PTPRN: variants seen among roughly 807,000 people sequenced by gnomAD.
PTPRN encodes the protein protein tyrosine phosphatase receptor type N.
In PTPRN, 70 loss-of-function variants were observed where a neutral mutation model predicts 108.5. The ratio of observed to expected loss-of-function variants is 0.65; its 90% CI spans 0.53 to 0.79. The LOEUF is 0.79. Ranked by LOEUF, PTPRN falls within the 30% of genes least tolerant of loss-of-function variation. The pLI is 0.00. For missense variants in PTPRN, 1,136 were observed against 1,295.5 expected (o/e 0.88, Z 1.89); for synonymous variants, 496 against 524.6 (o/e 0.95, Z 0.75).
intron 20 of PTPRN, among the ~76,000 whole-genome samples, chr2:219,291,222 G>C (rs1381182012): frequency 6.6e-6 from 1 of 152,170 alleles, no homozygotes; most frequent in Non-Finnish European, 1.5e-5. Context: ...TTTGTGTATA[G>C]GGGGCCAATG....
rs1187840324 is a variant in PTPRN at position 219,307,524 on chromosome 2, C to A, written c.200G>T (p.Gly67Val). ...GLFGQCQVGV[G>V]QARPLLQVTS... ...GACTTGCAAAAGGGGCCGGGCCTGC[C>A]CCACTCCCACCTGGCACTGCCCAAA... Residue 67 changes from glycine (G) to valine (V), a missense_variant, in exon 3 of 23, where the codon GGG (glycine) becomes GTG (valine). Gly to Val is a moderately radical substitution (Grantham distance 109, BLOSUM62 -3). Transcript: ENST00000295718. 1 of 1,614,126 alleles carries A rather than the reference C, an allele frequency of 6.2e-7. No individual in the cohort carries two copies. The highest frequency in any genetic ancestry group is 1.1e-5 in the South Asian group (1 of 91,076).
Position 219,290,689 on chromosome 2 carries a change from G to A in PTPRN, c.2795-78C>T. 1.3e-6 allele frequency: 2 copies of A among 1,482,406 alleles called. No homozygotes were observed. The highest frequency in any genetic ancestry group is 1.9e-6 in the Non-Finnish European group (2 of 1,078,716). 91.8% of individuals were successfully genotyped at this position (1,482,406 alleles called of 1,614,324 possible). On this transcript the variant is annotated intron_variant, in intron 21 of 22. Transcript: ENST00000295718. The surrounding 1 kb of genome is among the most constrained non-coding windows in gnomAD (Gnocchi z 4.2). ...GGACCCAGAAAACCTGAGGCCTCCT[G>A]GAGGCAAAGAGCCTTGGAGGGCTGG...
Position 219,290,601 on chromosome 2 carries a change from C to T in PTPRN, c.2805G>A (p.Glu935=), listed in dbSNP as rs1400295730. ...VLNRMAKGVK[E]IDIAATLEHV... ...GCTCCAGGGTGGCAGCGATGTCAAT[C>T]TCCTTCACTCCTGGAGATGGAGGTG... The change falls in exon 22 of 23, where the codon GAG becomes GAA. Residue 935 remains glutamate (E), a synonymous_variant. Transcript: ENST00000295718. The surrounding 1 kb of genome is among the most constrained non-coding windows in gnomAD (Gnocchi z 4.2). 1 of 1,551,822 alleles carries T rather than the reference C, an allele frequency of 6.4e-7. No individual in the cohort carries two copies. Among genetic ancestry groups the T allele is most frequent in the Non-Finnish European group, 8.7e-7 (1 of 1,147,026 alleles).
chr2:219,300,404 A>G (rs536515595), intron 8 of PTPRN, 145 bp from the exon 9 acceptor site: 375 of 757,270 alleles, frequency 5.0e-4, no homozygotes, highest in Middle Eastern at 7.9e-4. Flanking sequence ...TACAGAGAGG[A>G]CACCAGAGCA....
chr2:219,294,326 G>GA, intron 19 of PTPRN: 1 of 376,810 alleles, frequency 2.7e-6, no homozygotes, highest in Admixed American at 2.9e-5. Flanking sequence ...AGGAGGTGGA[G>GA]AAAAACAGGG....
At position 219,302,612 on chromosome 2, in the gene PTPRN, G is replaced by A. The variant is rs772012004; in HGVS notation, c.603C>T (p.Tyr201=). The A allele has an allele frequency of 1.5e-5, 25 of 1,613,892 alleles. No homozygotes were observed. Among genetic ancestry groups the A allele is most frequent in the East Asian group, 8.9e-5 (4 of 44,888 alleles). The change falls in exon 5 of 23, where the codon TAC becomes TAT. Residue 201 remains tyrosine, a synonymous_variant. Transcript: ENST00000295718. Reference sequence around the variant, plus strand: ...GGTAGGGCTGCAGCAAGGCAGGTTCGTAACTCAGTGAAGGGTGGGGAGGCT... The same window carrying A: ...GGTAGGGCTGCAGCAAGGCAGGTTCATAACTCAGTGAAGGGTGGGGAGGCT... ...PPQPPHPSLS[Y]EPALLQPYLF...
Position 219,299,386 on chromosome 2 carries a change from T to C in PTPRN, c.1524-2A>G, listed in dbSNP as rs1458564124. ...AAGGTGAGGGCTGGTCCCACCACACTGCCAGATAGGAGCTATGTTACTGCC... is the reference window on the plus strand; with the variant it reads ...AAGGTGAGGGCTGGTCCCACCACACCGCCAGATAGGAGCTATGTTACTGCC... On this transcript the variant is annotated splice_acceptor_variant, in intron 10 of 22. Coordinates refer to ENST00000295718, the MANE Select transcript of PTPRN (RefSeq NM_002846.4). LOFTEE classifies it high-confidence loss of function. The C allele has an allele frequency of 6.2e-7, 1 of 1,614,084 alleles. No homozygotes were observed.
chr2:219,308,993 G>A (rs1219199031), intron 1 of PTPRN: 2 of 1,521,514 alleles, frequency 1.3e-6, no homozygotes, highest in Non-Finnish European at 1.8e-6. Context: ...ATTTTCCCCA[G>A]AGCCCAATTC....
At chr2:219,292,543 C>T (rs1369168809) in intron 19 of PTPRN, 1 of 152,186 alleles carries the variant, frequency 6.6e-6, no homozygotes, top group Non-Finnish European at 1.5e-5. Flanking sequence ...AGCTCATTGG[C>T]TGTTACGTCA....
intron 8 of PTPRN, chr2:219,300,546 C>CA (rs1952320600): frequency 4.3e-6 from 2 of 467,076 alleles, no homozygotes; most frequent in Non-Finnish European, 7.5e-6. Context: ...GGGTAAAAGA[C>CA]AAACAGGCAG....
intron 3 of PTPRN, among the ~76,000 whole-genome samples, chr2:219,306,235 G>A (rs183473076): frequency 2.6e-4 from 40 of 152,216 alleles, no homozygotes; most frequent in East Asian, 1.7e-3. Context: ...AATATTTCAC[G>A]AAATAATGCT....
intron 12 of PTPRN, 82 bp from the exon 13 acceptor site, chr2:219,298,185 AC>A (rs1952250941): frequency 7.3e-7 from 1 of 1,367,626 alleles, no homozygotes; most frequent in South Asian, 1.2e-5. Flanking sequence ...CCCATGCCAC[AC>A]CCCCTGTTAG....
rs1343915286 is a variant in PTPRN at position 219,301,753 on chromosome 2, T to C, written c.995-34A>G. 4 of 1,586,568 alleles carry C rather than the reference T, an allele frequency of 2.5e-6. No homozygotes were observed. In the South Asian group the frequency reaches 3.3e-5, roughly 13 times the overall value. The stretch of plus-strand genomic sequence containing the variant: ...AGCCAGACACAGAGCTTAGGGCTGA[T>C]TGCGCAGTGAACTTGAGGGATGCAG... On this transcript the variant is annotated intron_variant, in intron 6 of 22. Transcript: ENST00000295718.
In PTPRN at chr2:219,296,403, A is replaced by G. The variant is rs1273498546; in HGVS notation, c.2388+36T>C. On this transcript the variant is annotated intron_variant, in intron 17 of 22. Coordinates refer to ENST00000295718, the MANE Select transcript of PTPRN (RefSeq NM_002846.4). The surrounding 1 kb of genome is among the most constrained non-coding windows in gnomAD (Gnocchi z 6.0). ...AACCTCCCTGGGACCTCGTGGCCAC[A>G]AGGACCCCAGCGAAGCCCTCCCTTT... The G allele has an allele frequency of 1.2e-6, 2 of 1,614,074 alleles. No homozygotes were observed. Among genetic ancestry groups the G allele is most frequent in the South Asian group, 1.1e-5 (1 of 91,078 alleles).
In PTPRN at chr2:219,290,739, G is replaced by A. The variant is rs1472351755; in HGVS notation, c.2794+87C>T. ...GGCAGAGCCTGGAGGTTGACAACCT[G>A]CTCCTTCTGAGCTCCCAGGACCCTG... is the stretch of plus-strand genomic sequence containing the variant. On this transcript the variant is annotated intron_variant, in intron 21 of 22. Coordinates refer to ENST00000295718, the MANE Select transcript of PTPRN (RefSeq NM_002846.4). This position sits in a 1 kb window ranked among gnomAD's most constrained non-coding sequence, Gnocchi z 4.2. The A allele has an allele frequency of 5.3e-6, 8 of 1,518,084 alleles. No homozygotes were observed. Among genetic ancestry groups the A allele is most frequent in the Non-Finnish European group, 6.4e-6 (7 of 1,094,918 alleles). 94.0% of individuals were successfully genotyped at this position (1,518,084 alleles called of 1,614,324 possible).
Position 219,299,100 on chromosome 2 carries a change from A to G in PTPRN, c.1615T>C (p.Ser539Pro). ...AGCCCTGTCTGTGCTTCCAGTTCAGACTTCACCAGCCCTGCAGGGAGGACA... is the reference window on the plus strand; with the variant it reads ...AGCCCTGTCTGTGCTTCCAGTTCAGGCTTCACCAGCCCTGCAGGGAGGACA... ...DVTQQAGLVK[S>P]ELEAQTGLQI... The change falls in exon 12 of 23, where the codon TCT becomes CCT. Residue 539 changes from serine (S) to proline (P), a missense_variant. Coordinates refer to ENST00000295718, the MANE Select transcript of PTPRN (RefSeq NM_002846.4). 2 of 1,614,146 alleles carry G rather than the reference A, an allele frequency of 1.2e-6. No homozygotes were observed. The highest frequency in any genetic ancestry group is 1.7e-6 in the Non-Finnish European group (2 of 1,180,026).
rs17847406 is a variant in PTPRN, at chr2:219,297,293, C to G, written c.2028G>C (p.Pro676=). The stretch of plus-strand genomic sequence containing the variant: ...CTTGGGCCGGCTCCTCGCACCAGGA[C>G]GGGGTGCTGCTGTGGGAGCTGGGGC... ...QASPSSHSST[P]SWCEEPAQAN... Residue 676 remains proline (P), a synonymous_variant, in exon 14 of 23, where the codon CCG becomes CCC. Coordinates refer to ENST00000295718, the MANE Select transcript of PTPRN (RefSeq NM_002846.4). This position sits in a 1 kb window ranked among gnomAD's most constrained non-coding sequence, Gnocchi z 6.0. 149,927 of 1,613,986 alleles carry G rather than the reference C, an allele frequency of 0.093. 7,340 individuals carry two copies. The highest frequency in any genetic ancestry group is 0.11 in the South Asian group (9,819 of 91,078).
chr2:219,296,253 C>T lies in PTPRN; in HGVS notation c.2481G>A (p.Glu827=), dbSNP rs749570022. The T allele has an allele frequency of 3.6e-5, 58 of 1,614,004 alleles. No individual in the cohort carries two copies. The highest frequency in any genetic ancestry group is 1.3e-5 in the African/African-American group (1 of 74,880). The part of the protein sequence containing the change: ...VKQCDRYWPD[E]GASLYHVYEV... ...CATATACGTGGTAGAGGGAGGCACC[C>T]TCATCTGGCCAGTAGCGGTCACACT... Residue 827 remains glutamate, a synonymous_variant, in exon 18 of 23, where the codon GAG becomes GAA. Coordinates refer to ENST00000295718, the MANE Select transcript of PTPRN (RefSeq NM_002846.4). This position sits in a 1 kb window ranked among gnomAD's most constrained non-coding sequence, Gnocchi z 6.0.
chr2:219,292,972 C>G (rs1443554607), intron 19 of PTPRN: 1 of 152,142 alleles, frequency 6.6e-6, no homozygotes, highest in Non-Finnish European at 1.5e-5. Flanking sequence ...CTCTCCCAGC[C>G]GTGGAAAAAT....
Sources: allele counts gnomAD v4.1 joint callset (sites outside exome capture counted in the v4.1 genomes callset), GRCh38; gene constraint gnomAD v4.1.1; non-coding constraint Gnocchi (gnomAD v3.1); transcripts MANE v1.5; gene names NCBI Gene and HGNC (gene_info 2026-07-23, HGNC 2026-07-21).